Variants in KRABD3 observed in about 807,000 individuals in gnomAD.
KRABD3 encodes KRAB domain-containing protein 3.
chr7:149,720,377 CT>C, the KRABD3 span, among the ~76,000 whole-genome samples: 2 of 152,324 alleles, frequency 1.3e-5, no homozygotes, highest in African/African-American at 4.8e-5. Context: ...ACCCTGAAGC[CT>C]TATCACAGCC....
At chr7:149,723,856 G>A in the KRABD3 span, 1 of 1,613,830 alleles carries the variant, frequency 6.2e-7, no homozygotes, top group Non-Finnish European at 8.5e-7. Context: ...ACGGCTACAG[G>A]AGAATCCAGG....
chr7:149,717,000 G>A, the KRABD3 span, among the ~76,000 whole-genome samples: 2 of 152,168 alleles, frequency 1.3e-5, no homozygotes, highest in East Asian at 3.8e-4. Context: ...ACAAGGCAGG[G>A]ATTGGAATTC....
the KRABD3 span, chr7:149,728,730 T>C: frequency 1.3e-6 from 2 of 1,571,002 alleles, no homozygotes; most frequent in Non-Finnish European, 1.7e-6. Flanking sequence ...GAGGATGCCC[T>C]AGGCGCTGCA....
the KRABD3 span, among the ~76,000 whole-genome samples, chr7:149,728,327 T>TGGCCAGGACA: frequency 2.0e-5 from 3 of 152,150 alleles, no homozygotes; most frequent in Non-Finnish European, 4.4e-5. Flanking sequence ...TCTATGTGGG[T>TGGCCAGGACA]GGCCAGGACA....
the KRABD3 span, chr7:149,725,518 A>T: frequency 6.3e-7 from 1 of 1,577,594 alleles, no homozygotes; most frequent in Non-Finnish European, 8.6e-7. Flanking sequence ...GCGGGGTGGC[A>T]TGTCCCTGAG....
chr7:149,715,275 T>TG, the KRABD3 span: 1 of 1,220,724 alleles, frequency 8.2e-7, no homozygotes, highest in South Asian at 4.3e-5. Flanking sequence ...AGTCTCCACC[T>TG]GGGGAAACCC....
the KRABD3 span, chr7:149,730,499 A>T: frequency 6.2e-7 from 1 of 1,611,282 alleles, no homozygotes; most frequent in African/African-American, 1.3e-5. Flanking sequence ...CCCTGCTGGC[A>T]GCAGTGGCGG....
chr7:149,724,855 G>T, the KRABD3 span: 7 of 1,555,896 alleles, frequency 4.5e-6, no homozygotes, highest in East Asian at 4.6e-5. Context: ...TCAAGGTGAG[G>T]CCTGAGATTG....
chr7:149,734,182 T>G, the KRABD3 span: 1 of 1,249,956 alleles, frequency 8.0e-7, no homozygotes, highest in Admixed American at 2.8e-5. Flanking sequence ...GCCTCGCCCT[T>G]TGTCCCAACT....
At chr7:149,730,095 G>T in the KRABD3 span, 1 of 1,448,034 alleles carries the variant, frequency 6.9e-7, no homozygotes, top group South Asian at 1.5e-5. Context: ...CTAAGGCAGA[G>T]ACCTGGCTCT....
the KRABD3 span, among the ~76,000 whole-genome samples, chr7:149,726,805 A>T: frequency 6.6e-6 from 1 of 152,150 alleles, no homozygotes; most frequent in African/African-American, 2.4e-5. Flanking sequence ...GCTACTCAGG[A>T]GGCTGAGGCA....
the KRABD3 span, among the ~76,000 whole-genome samples, chr7:149,717,268 C>A: frequency 2.0e-5 from 3 of 152,174 alleles, no homozygotes; most frequent in South Asian, 4.1e-4. Flanking sequence ...TGGCACACAC[C>A]ACGTCATTTG....
At chr7:149,722,795 G>A in the KRABD3 span, 1 of 1,603,570 alleles carries the variant, frequency 6.2e-7, no homozygotes, top group Non-Finnish European at 8.5e-7. Flanking sequence ...ATTTCTCCTG[G>A]GAACAGCCCC....
the KRABD3 span, chr7:149,723,518 T>C: frequency 1.8e-6 from 1 of 550,208 alleles, no homozygotes; most frequent in Non-Finnish European, 3.2e-6. Context: ...TGATGCCACT[T>C]GTCTGCCTGC....
At chr7:149,725,320 A>G in the KRABD3 span, 1 of 1,585,222 alleles carries the variant, frequency 6.3e-7, no homozygotes. Context: ...TCCAGCTGCC[A>G]GTGCCTCAAG....
chr7:149,722,735 G>A, the KRABD3 span: 1 of 1,546,536 alleles, frequency 6.5e-7, no homozygotes, highest in Admixed American at 2.0e-5. Flanking sequence ...CGCTCCCGGT[G>A]TCCCGTCAGG....
At chr7:149,732,207 G>A in the KRABD3 span, among the ~76,000 whole-genome samples, 1 of 152,180 alleles carries the variant, frequency 6.6e-6, no homozygotes, top group African/African-American at 2.4e-5. The surrounding 1 kb of genome is among the most constrained non-coding windows in gnomAD (Gnocchi z 4.0). Flanking sequence ...TGTGGCCTGC[G>A]GCAGGTTCTC....
At chr7:149,730,603 G>C in the KRABD3 span, 4,492 of 1,600,092 alleles carry the variant, frequency 2.8e-3, 92 homozygotes, top group African/African-American at 0.042. Flanking sequence ...GCGCCCATGC[G>C]TTCCCCAGAG....
At chr7:149,728,605 G>T in the KRABD3 span, 1 of 1,613,714 alleles carries the variant, frequency 6.2e-7, no homozygotes, top group Non-Finnish European at 8.5e-7. Flanking sequence ...GGCCTGCCTG[G>T]CCCTGCTCCT....
Sources: allele counts gnomAD v4.1 joint callset (sites outside exome capture counted in the v4.1 genomes callset), GRCh38; gene constraint gnomAD v4.1.1; non-coding constraint Gnocchi (gnomAD v3.1); transcripts MANE v1.5; gene names NCBI Gene and HGNC (gene_info 2026-07-23, HGNC 2026-07-21).